POLE: variants seen among roughly 807,000 people sequenced by gnomAD.
POLE encodes the protein DNA polymerase epsilon catalytic subunit A.
Under a neutral mutation model 279.2 loss-of-function variants are expected in POLE, and 188 were observed. The observed-to-expected ratio is 0.67, with a 90% confidence interval of 0.60 to 0.76. The LOEUF (loss-of-function observed/expected upper bound fraction) is 0.76, where lower values mean the gene tolerates loss of function less well. Ranked by LOEUF, POLE falls within the 30% of genes least tolerant of loss-of-function variation. The probability of loss-of-function intolerance (pLI) is 0.00; values close to 1 mark genes in which losing one functional copy is unlikely to be tolerated. For synonymous variants in POLE, 1,214 were observed against 1,172.5 expected, an observed-to-expected ratio of 1.04 and a Z score of -0.72; for missense variants, 2,703 against 3,016.7, an observed-to-expected ratio of 0.90 and a Z score of 2.44.
rs2138507038 is a variant in POLE at position 132,639,042 on chromosome 12, C to A, written c.5552+83G>T. ...ACACTACTTATCCCAGAGGCACTGGCTGGCCATGTCTCTGGTTCTGGGGAG... is the reference window on the plus strand; with the variant it reads ...ACACTACTTATCCCAGAGGCACTGGATGGCCATGTCTCTGGTTCTGGGGAG... On this transcript the variant is annotated intron_variant, in intron 40 of 48. Transcript: ENST00000320574. This position sits in a 1 kb window ranked among gnomAD's most constrained non-coding sequence, Gnocchi z 4.7. 1 of 1,184,170 alleles carries A rather than the reference C, an allele frequency of 8.4e-7. No homozygotes were observed. The highest frequency in any genetic ancestry group is 1.2e-6 in the Non-Finnish European group (1 of 802,438). 73.4% of individuals were successfully genotyped at this position (1,184,170 alleles called of 1,614,324 possible). A position where few individuals can be genotyped will look rare whatever the true frequency, so the allele number is the denominator to read the frequency against.
At chr12:132,673,322 C>T (rs1565972733) in intron 13 of POLE, 45 bp from the exon 14 acceptor site, 1 of 1,370,322 alleles carries the variant, frequency 7.3e-7, no homozygotes, top group Non-Finnish European at 1.0e-6. Context: ...AAATCAAGAG[C>T]CCAGGGTCAA....
chr12:132,624,657 G>T lies in POLE; in HGVS notation c.*40C>A. ...GGGGATGTGGCCTTGGCATCAGGAG[G>T]CCTGGCACGGACGCAGAGGCACCCG... On this transcript the variant is annotated 3_prime_UTR_variant, in exon 49 of 49. Transcript: ENST00000320574. 1 of 1,138,710 alleles carries T rather than the reference G, an allele frequency of 8.8e-7. No individual in the cohort carries two copies. The highest frequency in any genetic ancestry group is 1.3e-6 in the Non-Finnish European group (1 of 747,444). The allele number at this position is 1,138,710 out of a possible 1,614,324, so 70.5% of individuals were successfully genotyped here.
rs550746161 is a variant in POLE, at chr12:132,666,595, A to T, written c.2319+908T>A. 3.9e-5 allele frequency among the ~76,000 whole-genome samples: 6 copies of T among 152,352 alleles called. No individual in the cohort carries two copies. In the South Asian group the frequency reaches 1.2e-3, roughly 32 times the overall value. ...AGACCCCGTCTCCAAAAAAGAAAGC[A>T]TCATGCTAAGTGAAAAAGCCGGTCA... On this transcript the variant is annotated intron_variant, in intron 20 of 48. Transcript: ENST00000320574.
intron 41 of POLE, among the ~76,000 whole-genome samples, chr12:132,636,493 C>T (rs1035964530): frequency 2.7e-5 from 4 of 149,832 alleles, no homozygotes; most frequent in African/African-American, 2.5e-5. Flanking sequence ...CGGTGGCTCA[C>T]GCCTGTAATC....
chr12:132,675,575 C>G lies in POLE; in HGVS notation c.1107-58G>C. 1 of 1,607,174 alleles carries G rather than the reference C, an allele frequency of 6.2e-7. No individual in the cohort carries two copies. The highest frequency in any genetic ancestry group is 8.5e-7 in the Non-Finnish European group (1 of 1,176,466). On this transcript the variant is annotated intron_variant, in intron 11 of 48. Transcript: ENST00000320574. This position sits in a 1 kb window ranked among gnomAD's most constrained non-coding sequence, Gnocchi z 4.3. ...GCAGGTCAGGCTCTAATGCCCCTTTCTCCATTCCTCCCTCAGACCCAGGGA... is the reference window on the plus strand; with the variant it reads ...GCAGGTCAGGCTCTAATGCCCCTTTGTCCATTCCTCCCTCAGACCCAGGGA...
chr12:132,625,799 C>G (rs5745074), intron 46 of POLE, 29 bp from the exon 47 acceptor site: 10 of 1,601,924 alleles, frequency 6.2e-6, no homozygotes, highest in Non-Finnish European at 8.5e-6. Context: ...CGAGAGGTCA[C>G]CAGCCCAGCC....
chr12:132,677,002 C>T (rs1455394059), intron 8 of POLE, among the ~76,000 whole-genome samples: 1 of 152,146 alleles, frequency 6.6e-6, no homozygotes, highest in Non-Finnish European at 1.5e-5. Flanking sequence ...AAAGAGAAAA[C>T]TGAATACAAA....
intron 16 of POLE, among the ~76,000 whole-genome samples, chr12:132,669,772 G>T (rs1025289103): frequency 6.6e-6 from 1 of 152,212 alleles, no homozygotes; most frequent in African/African-American, 2.4e-5. Flanking sequence ...ACACCACCTG[G>T]ACATGCCCCA....
intron 26 of POLE, among the ~76,000 whole-genome samples, chr12:132,658,898 A>AAAT (rs1327984287): frequency 6.6e-6 from 1 of 151,130 alleles, no homozygotes; most frequent in Non-Finnish European, 1.5e-5. Flanking sequence ...AAAAAAAAAA[A>AAAT]AAAAAAAAAA....
At chr12:132,648,555 TA>T (rs34378974) in intron 32 of POLE, 1 of 182,718 alleles carries the variant, frequency 5.5e-6, no homozygotes, top group African/African-American at 2.3e-5. Context: ...GTCATGCCAC[TA>T]AAAGTCATTG....
chr12:132,657,441 G>A lies in POLE; in HGVS notation c.3379-12C>T, dbSNP rs187618435. 1.5e-4 allele frequency: 234 copies of A among 1,613,304 alleles called. 2 individuals carry two copies. In the Middle Eastern group the frequency reaches 2.5e-3, roughly 17 times the overall value. ...TCCCAATCCAGAATCTGCATGTGCA[G>A]GAAACGGGCACAGAGAACAGCAGGT... On this transcript the variant is annotated splice_polypyrimidine_tract_variant and intron_variant, in intron 27 of 48. Coordinates refer to ENST00000320574, the MANE Select transcript of POLE (RefSeq NM_006231.4).
chr12:132,639,538 T>TCTCTCAACACAA lies in POLE; in HGVS notation c.5379-241_5379-240insTTGTGTTGAGAG. Among the ~76,000 whole-genome samples, 1 of 151,842 alleles carries TCTCTCAACACAA rather than the reference T, an allele frequency of 6.6e-6. No individual in the cohort carries two copies. Among genetic ancestry groups the TCTCTCAACACAA allele is most frequent in the African/African-American group, 2.4e-5 (1 of 41,420 alleles). ...TTAAACTTGTTCAGGCTTCACCGCA[T>TCTCTCAACACAA]CCCAAACTCTGTGTGTTCTAAAGCA... On this transcript the variant is annotated intron_variant, in intron 39 of 48. Transcript: ENST00000320574. The surrounding 1 kb of genome is among the most constrained non-coding windows in gnomAD (Gnocchi z 4.7).
chr12:132,682,940 G>A (rs1286584255), intron 1 of POLE, among the ~76,000 whole-genome samples: 1 of 151,736 alleles, frequency 6.6e-6, no homozygotes, highest in African/African-American at 2.4e-5. Flanking sequence ...GCGACAGAGC[G>A]AGACTCCGTC....
chr12:132,682,372 T>C (rs1032124353), intron 1 of POLE, among the ~76,000 whole-genome samples: 1 of 151,834 alleles, frequency 6.6e-6, no homozygotes, highest in African/African-American at 2.4e-5. Context: ...TAATCCCAGC[T>C]ACTCAGGAGG....
intron 21 of POLE, 124 bp downstream of exon 21, chr12:132,665,177 TC>T (rs2042763973): frequency 9.6e-7 from 1 of 1,046,014 alleles, no homozygotes; most frequent in Non-Finnish European, 1.4e-6. Context: ...CAAAGCCTTC[TC>T]CCTCCAACAT....
intron 26 of POLE, chr12:132,658,243 T>C (rs546106328): frequency 1.2e-3 from 442 of 378,676 alleles, no homozygotes; most frequent in Non-Finnish European, 3.3e-4. Context: ...CATAAACACA[T>C]GCGTGTGCGT....
intron 6 of POLE, 72 bp downstream of exon 6, chr12:132,679,425 T>TAC: frequency 1.4e-6 from 2 of 1,450,694 alleles, no homozygotes; most frequent in Non-Finnish European, 1.9e-6. Context: ...ACTTTGTTGC[T>TAC]ACGTGTTCCT....
intron 29 of POLE, among the ~76,000 whole-genome samples, chr12:132,656,889 CA>C (rs2042552833): frequency 6.6e-6 from 1 of 152,236 alleles, no homozygotes; most frequent in South Asian, 2.1e-4. Context: ...CTAAGTAGTG[CA>C]CCCTAATATT....
chr12:132,682,304 A>T (rs899759433), intron 1 of POLE, among the ~76,000 whole-genome samples: 1 of 100,840 alleles, frequency 9.9e-6, no homozygotes, highest in African/African-American at 3.3e-5. Flanking sequence ...AAAAAAAAAA[A>T]TAAATAAAAA....
Sources: gnomAD v4.1 joint callset for allele counts (sites outside exome capture counted in the v4.1 genomes callset) on GRCh38, gnomAD v4.1.1 for gene constraint, Gnocchi (gnomAD v3.1) non-coding constraint, MANE v1.5 for transcripts, NCBI Gene and HGNC (gene_info 2026-07-23, HGNC 2026-07-21) for gene names.